Variants in THRB observed in about 807,000 individuals in gnomAD.
THRB encodes thyroid hormone receptor beta, also known as nuclear receptor subfamily 1 group A member 2.
Under a neutral mutation model 47.8 loss-of-function variants are expected in THRB, and 12 were observed. The ratio of observed to expected loss-of-function variants is 0.25; its 90% CI spans 0.16 to 0.41. THRB has a LOEUF of 0.41. THRB is among the 10% of genes least tolerant of loss of function. The pLI is 1.00. For missense variants in THRB, 348 were observed against 589.2 expected (o/e 0.59, Z 4.24); for synonymous variants, 218 against 212.2 (o/e 1.03, Z -0.24).
In THRB at chr3:24,487,405, C is replaced by G. The variant is rs80260389; in HGVS notation, c.-261+7247G>C. Among the ~76,000 whole-genome samples the G allele has an allele frequency of 5.6e-3, 846 of 152,146 alleles. 9 individuals are homozygous for G. The highest frequency in any genetic ancestry group is 0.019 in the African/African-American group (781 of 41,506). On this transcript the variant is annotated intron_variant, in intron 1 of 10. Transcript: ENST00000646209. ...GTGATCAAATGAATTTTGCTACCTG[C>G]TCTCCCCTTTCTTGGACATTTATAA...
At chr3:24,319,280 G>A (rs1172319772) in intron 2 of THRB, among the ~76,000 whole-genome samples, 1 of 152,120 alleles carries the variant, frequency 6.6e-6, no homozygotes. Context: ...AAATGGATAT[G>A]TCCACCAAAA....
chr3:24,393,375 CT>C (rs890561595), intron 1 of THRB, among the ~76,000 whole-genome samples: 3 of 152,080 alleles, frequency 2.0e-5, no homozygotes, highest in African/African-American at 7.2e-5. Flanking sequence ...TGCTCAAAGC[CT>C]TTTTCCAGTC....
At chr3:24,413,143 T>A (rs931796365) in intron 1 of THRB, among the ~76,000 whole-genome samples, 1 of 151,912 alleles carries the variant, frequency 6.6e-6, no homozygotes, top group African/African-American at 2.4e-5. Context: ...CACAAAAATG[T>A]TTACTGCAAT....
intron 1 of THRB, among the ~76,000 whole-genome samples, chr3:24,389,375 G>C (rs897068837): frequency 1.3e-5 from 2 of 152,094 alleles, no homozygotes; most frequent in Non-Finnish European, 2.9e-5. Context: ...ACTATAAAAG[G>C]GCAAGTGCTC....
At chr3:24,265,243 A>G (rs1299207391) in intron 3 of THRB, among the ~76,000 whole-genome samples, 1 of 152,180 alleles carries the variant, frequency 6.6e-6, no homozygotes, top group Non-Finnish European at 1.5e-5. Context: ...GCAAGTAATG[A>G]GCAGCTCCCA....
chr3:24,340,819 T>C (rs945594150), intron 1 of THRB, among the ~76,000 whole-genome samples: 3 of 152,236 alleles, frequency 2.0e-5, no homozygotes, highest in Admixed American at 6.5e-5. Context: ...TATTAAACAT[T>C]ATATTTATCT....
intron 2 of THRB, among the ~76,000 whole-genome samples, chr3:24,325,441 C>G (rs943897171): frequency 1.6e-4 from 24 of 152,230 alleles, no homozygotes; most frequent in Non-Finnish European, 2.5e-4. Flanking sequence ...AGTCCCAGCA[C>G]TTTGGGAGGC....
intron 3 of THRB, among the ~76,000 whole-genome samples, chr3:24,249,944 T>C (rs566600300): frequency 2.0e-5 from 3 of 152,354 alleles, no homozygotes; most frequent in Non-Finnish European, 2.9e-5. Context: ...TAGAGTGATA[T>C]AGTCTTCACC....
chr3:24,151,501 A>G (rs902693236), intron 6 of THRB, among the ~76,000 whole-genome samples: 15 of 152,234 alleles, frequency 9.9e-5, no homozygotes, highest in Non-Finnish European at 1.9e-4. Context: ...TAAATATAAG[A>G]GGTAAAAAAG....
intron 1 of THRB, among the ~76,000 whole-genome samples, chr3:24,398,675 C>A (rs2067160950): frequency 6.6e-6 from 1 of 152,136 alleles, no homozygotes; most frequent in Non-Finnish European, 1.5e-5. Context: ...TGTGGCGATT[C>A]CTCAGGGATC....
chr3:24,487,871 C>T (rs190666364), intron 1 of THRB, among the ~76,000 whole-genome samples: 25 of 152,322 alleles, frequency 1.6e-4, no homozygotes, highest in Admixed American at 1.4e-3. Context: ...TATCATCAAT[C>T]ATTATTTTCT....
At chr3:24,404,370 G>A (rs2067657891) in intron 1 of THRB, among the ~76,000 whole-genome samples, 1 of 151,912 alleles carries the variant, frequency 6.6e-6, no homozygotes, top group Admixed American at 6.6e-5. Flanking sequence ...TTTTGGTGTA[G>A]TATCAAAGCA....
chr3:24,416,539 TTA>T (rs2068745399), intron 1 of THRB, among the ~76,000 whole-genome samples: 1 of 151,858 alleles, frequency 6.6e-6, no homozygotes, highest in African/African-American at 2.4e-5. Context: ...AGCGCTCTAT[TTA>T]TAAAAGACTA....
intron 8 of THRB, among the ~76,000 whole-genome samples, chr3:24,140,048 T>C (rs2035236173): frequency 6.6e-6 from 1 of 152,232 alleles, no homozygotes; most frequent in African/African-American, 2.4e-5. Flanking sequence ...TGAATACCAC[T>C]TAGCAAAGCT....
At chr3:24,391,790 T>C (rs2066590309) in intron 1 of THRB, among the ~76,000 whole-genome samples, 1 of 152,188 alleles carries the variant, frequency 6.6e-6, no homozygotes, top group South Asian at 2.1e-4. Flanking sequence ...GTCATCATCA[T>C]CACCATTATT....
At chr3:24,277,765 G>A (rs1299687766) in intron 3 of THRB, among the ~76,000 whole-genome samples, 1 of 152,168 alleles carries the variant, frequency 6.6e-6, no homozygotes, top group African/African-American at 2.4e-5. Context: ...CCTTCTGGAT[G>A]CCTTCCCTCA....
At chr3:24,199,140 C>A (rs777448140) in intron 4 of THRB, among the ~76,000 whole-genome samples, 9 of 152,148 alleles carry the variant, frequency 5.9e-5, no homozygotes, top group Admixed American at 2.0e-4. Flanking sequence ...TTTTATCTAA[C>A]TCAGATAATG....
intron 9 of THRB, among the ~76,000 whole-genome samples, chr3:24,128,927 T>C (rs973740820): frequency 7.2e-6 from 1 of 138,536 alleles, no homozygotes; most frequent in African/African-American, 2.5e-5. Context: ...ACAACAAATA[T>C]GTGAGTTACA....
At chr3:24,132,128 C>T (rs538068294) in intron 9 of THRB, among the ~76,000 whole-genome samples, 1 of 152,216 alleles carries the variant, frequency 6.6e-6, no homozygotes, top group South Asian at 2.1e-4. Context: ...GAGCTGGAAG[C>T]CAAGGCAGCA....
Sources: allele counts gnomAD v4.1 joint callset (sites outside exome capture counted in the v4.1 genomes callset), GRCh38; gene constraint gnomAD v4.1.1; transcripts MANE v1.5; gene names NCBI Gene and HGNC (gene_info 2026-07-23, HGNC 2026-07-21).